The following COL5A2 variants were observed in gnomAD, a reference collection of about 807,000 sequenced individuals.
COL5A2 encodes collagen alpha-2(V) chain.
A neutral mutation model predicts 208.2 loss-of-function variants in COL5A2; 23 were observed. The ratio of observed to expected loss-of-function variants is 0.11; its 90% CI spans 0.08 to 0.16. The LOEUF is 0.16. COL5A2 is among the 10% of genes least tolerant of loss of function. The probability of loss-of-function intolerance (pLI) is 1.00; values close to 1 mark genes in which losing one functional copy is unlikely to be tolerated. For synonymous variants in COL5A2, 625 were observed against 628.5 expected (o/e 0.99, Z 0.08); for missense variants, 1,590 against 1,956.4 (o/e 0.81, Z 3.53).
intron 17 of COL5A2, among the ~76,000 whole-genome samples, chr2:189,074,279 T>A (rs986391654): frequency 2.6e-5 from 4 of 152,110 alleles, no homozygotes; most frequent in Non-Finnish European, 4.4e-5. Flanking sequence ...AATGGGTAAG[T>A]AAGTATAGCC....
chr2:189,311,628 C>T, the COL5A2 span: 1 of 860,994 alleles, frequency 1.2e-6, no homozygotes. Flanking sequence ...GAGTCCAGGT[C>T]CATCTCCAAG....
intron 1 of COL5A2, among the ~76,000 whole-genome samples, chr2:189,140,923 T>C (rs1445055615): frequency 1.5e-4 from 23 of 152,208 alleles, no homozygotes; most frequent in Admixed American, 1.5e-3. Context: ...AGATATTACT[T>C]GTTAATTAAC....
intron 1 of COL5A2, among the ~76,000 whole-genome samples, chr2:189,161,582 G>A (rs1688365479): frequency 6.6e-6 from 1 of 152,250 alleles, no homozygotes; most frequent in South Asian, 2.1e-4. Flanking sequence ...GCAAGGTTGT[G>A]CAATGTAATT....
intron 1 of COL5A2, among the ~76,000 whole-genome samples, chr2:189,157,007 C>G (rs1688260226): frequency 6.6e-6 from 1 of 151,780 alleles, no homozygotes; most frequent in African/African-American, 2.4e-5. Context: ...AACTACCTGT[C>G]TGTGTTTTTT....
intron 3 of COL5A2, among the ~76,000 whole-genome samples, chr2:189,100,582 T>C (rs1220669040): frequency 6.6e-6 from 1 of 152,000 alleles, no homozygotes; most frequent in African/African-American, 2.4e-5. Flanking sequence ...GACACATAGT[T>C]TTCAGGATCT....
intron 1 of COL5A2, among the ~76,000 whole-genome samples, chr2:189,218,050 C>T (rs962639686): frequency 6.6e-6 from 1 of 152,146 alleles, no homozygotes; most frequent in Admixed American, 6.5e-5. Context: ...GTGACCACTT[C>T]TGAGGTTTGC....
chr2:189,334,495 C>T, the COL5A2 span, among the ~76,000 whole-genome samples: 1 of 151,926 alleles, frequency 6.6e-6, no homozygotes, highest in African/African-American at 2.4e-5. Flanking sequence ...TTTACAATGG[C>T]ATTTTAAAAA....
rs778818824 is a variant in COL5A2, at chr2:189,033,166, T to C, written c.*904A>G. On this transcript the variant is annotated 3_prime_UTR_variant, in exon 54 of 54. Transcript: ENST00000374866. ...ATTATAGGCTTCAGGATGATGAGAT[T>C]GTACATGTGGAAGAGTCTCAATTTA... 1 of 152,592 alleles carries C rather than the reference T, an allele frequency of 6.6e-6. No homozygotes were observed. Among genetic ancestry groups the C allele is most frequent in the Non-Finnish European group, 1.5e-5 (1 of 68,030 alleles). 9.5% of individuals were successfully genotyped at this position (152,592 alleles called of 1,614,324 possible).
At chr2:189,135,829 T>C (rs1474723589) in intron 1 of COL5A2, among the ~76,000 whole-genome samples, 1 of 152,228 alleles carries the variant, frequency 6.6e-6, no homozygotes, top group East Asian at 1.9e-4. Context: ...TTTTATATTC[T>C]TGATCTCACT....
intron 7 of COL5A2, among the ~76,000 whole-genome samples, chr2:189,092,044 T>C (rs1200842792): frequency 6.6e-6 from 1 of 152,072 alleles, no homozygotes; most frequent in Non-Finnish European, 1.5e-5. Context: ...TTAGAATCAA[T>C]AGAAAAAACA....
chr2:189,368,808 C>T, the COL5A2 span, among the ~76,000 whole-genome samples: 1 of 152,282 alleles, frequency 6.6e-6, no homozygotes, highest in East Asian at 1.9e-4. Context: ...TTTCTACACC[C>T]TACCCATTCT....
At chr2:189,305,202 T>C in the COL5A2 span, among the ~76,000 whole-genome samples, 1 of 152,198 alleles carries the variant, frequency 6.6e-6, no homozygotes, top group East Asian at 1.9e-4. Context: ...ATCCCAGTAG[T>C]GGCATGTGAA....
At chr2:189,409,338 A>T in the COL5A2 span, among the ~76,000 whole-genome samples, 1 of 150,796 alleles carries the variant, frequency 6.6e-6, no homozygotes, top group Non-Finnish European at 1.5e-5. Flanking sequence ...CAGCCTCCTG[A>T]GTAACTGTGA....
chr2:189,186,775 T>G (rs1456111853), intron 1 of COL5A2, among the ~76,000 whole-genome samples: 1 of 152,234 alleles, frequency 6.6e-6, no homozygotes, highest in African/African-American at 2.4e-5. Flanking sequence ...CAAATGCATG[T>G]ACCAATGAAT....
At chr2:189,251,127 T>C in the COL5A2 span, among the ~76,000 whole-genome samples, 2 of 151,994 alleles carry the variant, frequency 1.3e-5, no homozygotes, top group African/African-American at 4.8e-5. Context: ...ATGGGGGGCA[T>C]GGCTCTACAC....
At chr2:189,340,116 G>C in the COL5A2 span, among the ~76,000 whole-genome samples, 3 of 152,174 alleles carry the variant, frequency 2.0e-5, no homozygotes, top group African/African-American at 7.2e-5. Context: ...ACCATCAGCA[G>C]GGTAAGGGGC....
the COL5A2 span, among the ~76,000 whole-genome samples, chr2:189,351,059 T>C: frequency 2.0e-5 from 3 of 152,192 alleles, no homozygotes; most frequent in African/African-American, 7.2e-5. Context: ...TCTCACTGCC[T>C]ATGACATTTT....
At chr2:189,195,313 G>C (rs1688985923) in intron 1 of COL5A2, among the ~76,000 whole-genome samples, 2 of 152,166 alleles carry the variant, frequency 1.3e-5, no homozygotes, top group Admixed American at 6.5e-5. Flanking sequence ...GAAAATAAGA[G>C]AGGACACAAA....
At chr2:189,144,828 G>T (rs1367953003) in intron 1 of COL5A2, among the ~76,000 whole-genome samples, 1 of 152,050 alleles carries the variant, frequency 6.6e-6, no homozygotes, top group Non-Finnish European at 1.5e-5. Context: ...TCTCCATTTG[G>T]TTCTGAGTGG....
Sources: gnomAD v4.1 joint callset for allele counts (sites outside exome capture counted in the v4.1 genomes callset) on GRCh38, gnomAD v4.1.1 for gene constraint, MANE v1.5 for transcripts, NCBI Gene and HGNC (gene_info 2026-07-23, HGNC 2026-07-21) for gene names.